SFXN4: variants seen among roughly 807,000 people sequenced by gnomAD.
SFXN4 encodes sideroflexin-4.
SFXN4 carries 48 observed loss-of-function variants against 54.6 expected under a neutral mutation model. That is an observed-to-expected ratio of 0.88 (90% CI 0.70 to 1.12). The LOEUF is 1.12. Ranked by LOEUF, SFXN4 falls within the 50% of genes most tolerant of loss-of-function variation. SFXN4 has a pLI of 0.00. For synonymous variants in SFXN4, 130 were observed against 145.5 expected, an observed-to-expected ratio of 0.89 and a Z score of 0.77; for missense variants, 383 against 409.2, an observed-to-expected ratio of 0.94 and a Z score of 0.55.
Position 119,165,713 on chromosome 10 carries a change from C to T in SFXN4, c.-66G>A. On this transcript the variant is annotated 5_prime_UTR_variant, in exon 1 of 14. Transcript: ENST00000355697. ...TGGAGGAGGAGCCGGGCGGCGAGCC[C>T]CGCCCCGGGCCGCGCGCACCCGCAG... is the stretch of plus-strand genomic sequence containing the variant. 8.4e-7 allele frequency: 1 copy of T among 1,190,260 alleles called. No homozygotes were observed. The highest frequency in any genetic ancestry group is 1.1e-6 in the Non-Finnish European group (1 of 928,358). 73.7% of individuals were successfully genotyped at this position (1,190,260 alleles called of 1,614,324 possible).
chr10:119,164,120 A>ACAATACTTACAACTGAAAT lies in SFXN4; in HGVS notation c.169_177+10dup, dbSNP rs763599277. 1 of 1,516,216 alleles carries ACAATACTTACAACTGAAAT rather than the reference A, an allele frequency of 6.6e-7. No homozygotes were observed. Among genetic ancestry groups the ACAATACTTACAACTGAAAT allele is most frequent in the Non-Finnish European group, 9.0e-7 (1 of 1,105,870 alleles). The allele number at this position is 1,516,216 out of a possible 1,614,324, so 93.9% of individuals were successfully genotyped here. A position where few individuals can be genotyped will look rare whatever the true frequency, so the allele number is the denominator to read the frequency against. The stretch of plus-strand genomic sequence containing the variant: ...AATGTGAAATTCATTAGCTCTGAAA[A>ACAATACTTACAACTGAAAT]CAATACTTACAACTGAAATGAACAC... On this transcript the variant is annotated intron_variant, in intron 2 of 13. Coordinates refer to ENST00000355697, the MANE Select transcript of SFXN4 (RefSeq NM_213649.2).
chr10:119,143,269 T>C (rs906593338), intron 13 of SFXN4, among the ~76,000 whole-genome samples: 3 of 152,108 alleles, frequency 2.0e-5, no homozygotes, highest in Non-Finnish European at 2.9e-5. Flanking sequence ...CATCCTCCAC[T>C]GGGGATGAAC....
intron 11 of SFXN4, among the ~76,000 whole-genome samples, chr10:119,154,783 G>T (rs1012707173): frequency 6.6e-6 from 1 of 152,190 alleles, no homozygotes; most frequent in Non-Finnish European, 1.5e-5. Flanking sequence ...AGTGAGCCAA[G>T]ACTGCACCAT....
At chr10:119,146,428 CGTGTGTGTGTGT>C (rs56031432) in intron 12 of SFXN4, 75 bp from the exon 13 acceptor site, 27 of 559,492 alleles carry the variant, frequency 4.8e-5, no homozygotes, top group East Asian at 9.6e-5. Flanking sequence ...TGAATCAGGG[CGTGTGTGTGTGT>C]GTGTGTGTGT....
At chr10:119,151,804 A>G (rs898899033) in intron 11 of SFXN4, among the ~76,000 whole-genome samples, 6 of 151,510 alleles carry the variant, frequency 4.0e-5, no homozygotes, top group African/African-American at 1.2e-4. Context: ...GGCGTGAGCC[A>G]CCGCGCCTGG....
intron 12 of SFXN4, 43 bp downstream of exon 12, chr10:119,147,732 T>TG: frequency 6.4e-7 from 1 of 1,561,132 alleles, no homozygotes; most frequent in Non-Finnish European, 8.8e-7. Flanking sequence ...TATAAGGATT[T>TG]GACTTTCAAA....
At chr10:119,149,330 G>A (rs1458092994) in intron 11 of SFXN4, among the ~76,000 whole-genome samples, 4 of 152,084 alleles carry the variant, frequency 2.6e-5, no homozygotes, top group East Asian at 1.9e-4. Context: ...CCTACCACCC[G>A]GCCCCTGCTC....
chr10:119,147,176 C>T (rs1486698622), intron 12 of SFXN4, among the ~76,000 whole-genome samples: 1 of 152,144 alleles, frequency 6.6e-6, no homozygotes, highest in South Asian at 2.1e-4. Flanking sequence ...CAGGGAGGCG[C>T]GCCCAGCAGG....
rs374439360 is a variant in SFXN4, at chr10:119,158,976, C to G, written c.360+752G>C. On this transcript the variant is annotated intron_variant, in intron 6 of 13. Coordinates refer to ENST00000355697, the MANE Select transcript of SFXN4 (RefSeq NM_213649.2). Reference sequence around the variant, plus strand: ...CCAGCCTGGGCAACAGAGCAAGACCCTATTTTAAAAAACAAAAAACGGTCC... The same window carrying G: ...CCAGCCTGGGCAACAGAGCAAGACCGTATTTTAAAAAACAAAAAACGGTCC... Among the ~76,000 whole-genome samples, 70 of 151,604 alleles carry G rather than the reference C, an allele frequency of 4.6e-4. 1 individual carries two copies. Among genetic ancestry groups the G allele is most frequent in the African/African-American group, 1.7e-3 (69 of 41,230 alleles).
At chr10:119,164,921 A>C (rs920731935) in intron 1 of SFXN4, among the ~76,000 whole-genome samples, 1 of 152,386 alleles carries the variant, frequency 6.6e-6, no homozygotes, top group Admixed American at 6.5e-5. Flanking sequence ...GTACCAAAAA[A>C]GCGAGTAAAA....
At chr10:119,147,299 G>A (rs149957171) in intron 12 of SFXN4, among the ~76,000 whole-genome samples, 178 of 152,326 alleles carry the variant, frequency 1.2e-3, no homozygotes, top group Middle Eastern at 3.4e-3. Flanking sequence ...CATACTGGTG[G>A]CCACAGGAAC....
At chr10:119,152,716 T>C (rs929229181) in intron 11 of SFXN4, among the ~76,000 whole-genome samples, 3 of 152,092 alleles carry the variant, frequency 2.0e-5, no homozygotes, top group Non-Finnish European at 4.4e-5. Context: ...ATAATTCAGC[T>C]TTGTCAGTCA....
At chr10:119,151,066 G>A (rs1847047004) in intron 11 of SFXN4, among the ~76,000 whole-genome samples, 1 of 152,154 alleles carries the variant, frequency 6.6e-6, no homozygotes, top group Non-Finnish European at 1.5e-5. Flanking sequence ...CAAAAACTAA[G>A]AAGACAGAAA....
At chr10:119,164,857 C>A (rs114970652) in intron 1 of SFXN4, among the ~76,000 whole-genome samples, 1,757 of 152,132 alleles carry the variant, frequency 0.012, 40 homozygotes, top group African/African-American at 0.04. Context: ...TCGCCACATG[C>A]GGCTGAACCC....
chr10:119,142,949 G>A (rs937277225), intron 13 of SFXN4, among the ~76,000 whole-genome samples: 23 of 151,736 alleles, frequency 1.5e-4, no homozygotes, highest in African/African-American at 5.6e-4. Flanking sequence ...AGCCAGGATG[G>A]TCTCAATCTC....
intron 12 of SFXN4, 38 bp from the exon 13 acceptor site, chr10:119,146,391 A>T: frequency 1.6e-6 from 2 of 1,262,288 alleles, no homozygotes; most frequent in South Asian, 1.2e-5. Context: ...GTGATGTTAA[A>T]CTATCAGGGC....
At position 119,163,035 on chromosome 10, in the gene SFXN4, A is replaced by G. The variant is rs574391012; in HGVS notation, c.178-621T>C. Among the ~76,000 whole-genome samples, 3 of 152,226 alleles carry G rather than the reference A, an allele frequency of 2.0e-5. No homozygotes were observed. The East Asian group carries it at 5.8e-4, about 29-fold the overall frequency. On this transcript the variant is annotated intron_variant, in intron 2 of 13. Transcript: ENST00000355697. ...CTGGTCTCAAATTCTTATTCTCGAG[A>G]GATCCTCCCATCTCAGATTCTCAAA...
chr10:119,155,537 G>A (rs1847247089), intron 10 of SFXN4, among the ~76,000 whole-genome samples: 1 of 152,212 alleles, frequency 6.6e-6, no homozygotes, highest in African/African-American at 2.4e-5. Flanking sequence ...TTGTTGCCCA[G>A]GCTGGAGTGC....
chr10:119,149,892 G>C (rs1445563593), intron 11 of SFXN4, among the ~76,000 whole-genome samples: 3 of 152,220 alleles, frequency 2.0e-5, no homozygotes, highest in Non-Finnish European at 4.4e-5. Context: ...CCCATGTGTG[G>C]GGAGGACACT....
Sources: gnomAD v4.1 joint callset for allele counts (sites outside exome capture counted in the v4.1 genomes callset) on GRCh38, gnomAD v4.1.1 for gene constraint, MANE v1.5 for transcripts, NCBI Gene and HGNC (gene_info 2026-07-23, HGNC 2026-07-21) for gene names.